Variants in DIS3L2 observed in about 807,000 individuals in gnomAD.
The protein encoded by DIS3L2 is DIS3-like exonuclease 2.
DIS3L2 carries 34 observed loss-of-function variants against 97.5 expected under a neutral mutation model. The observed-to-expected ratio is 0.35, with a 90% CI of 0.27 to 0.46. The LOEUF is 0.46. Among genes scored for constraint, DIS3L2 ranks in the 20% least tolerant of loss-of-function variants. The probability of loss-of-function intolerance (pLI) is 1.00; values close to 1 mark genes in which losing one functional copy is unlikely to be tolerated. For missense variants in DIS3L2, 1,038 were observed against 1,146.0 expected (o/e 0.91, Z 1.36); for synonymous variants, 435 against 445.2 (o/e 0.98, Z 0.29).
At chr2:231,972,323 G>A (rs1692943865) in intron 1 of DIS3L2, among the ~76,000 whole-genome samples, 1 of 152,074 alleles carries the variant, frequency 6.6e-6, no homozygotes, top group Non-Finnish European at 1.5e-5. Flanking sequence ...AATTGTATCT[G>A]CCATACTTTT....
intron 14 of DIS3L2, among the ~76,000 whole-genome samples, chr2:232,301,661 C>G (rs1490425115): frequency 6.6e-6 from 1 of 152,140 alleles, no homozygotes; most frequent in Non-Finnish European, 1.5e-5. Flanking sequence ...GACCAGACAT[C>G]CTTTAACAAT....
Position 232,268,816 on chromosome 2 carries a change from C to T in DIS3L2, c.1659+5376C>T, listed in dbSNP as rs997643532. On this transcript the variant is annotated intron_variant, in intron 13 of 20. Coordinates refer to ENST00000325385, the MANE Select transcript of DIS3L2 (RefSeq NM_152383.5). This position sits in a 1 kb window ranked among gnomAD's most constrained non-coding sequence, Gnocchi z 4.1. ...CTTTTAGCAGCTCATCATCACTTCA[C>T]AGGGAAGCCAGGCTGGGTAATGGAG... 4.6e-5 allele frequency among the ~76,000 whole-genome samples: 7 copies of T among 152,244 alleles called. No homozygotes were observed. Among genetic ancestry groups the T allele is most frequent in the Admixed American group, 2.0e-4 (3 of 15,288 alleles).
intron 14 of DIS3L2, among the ~76,000 whole-genome samples, chr2:232,322,467 A>T (rs1695461976): frequency 6.6e-6 from 1 of 152,216 alleles, no homozygotes; most frequent in Admixed American, 6.5e-5. Flanking sequence ...CCTTAGGACC[A>T]CAGTCCCCTC....
At chr2:232,202,360 T>C (rs1691915953) in intron 9 of DIS3L2, among the ~76,000 whole-genome samples, 1 of 152,088 alleles carries the variant, frequency 6.6e-6, no homozygotes, top group Non-Finnish European at 1.5e-5. Context: ...ATTGCGCCAC[T>C]GCACTCCAGC....
intron 9 of DIS3L2, among the ~76,000 whole-genome samples, chr2:232,175,863 G>C (rs1386765880): frequency 6.6e-6 from 1 of 151,866 alleles, no homozygotes; most frequent in Non-Finnish European, 1.5e-5. Context: ...CCATTTTTAA[G>C]TCCTCTGCAG....
intron 11 of DIS3L2, among the ~76,000 whole-genome samples, chr2:232,244,626 A>C (rs1225555335): frequency 6.6e-6 from 1 of 152,220 alleles, no homozygotes; most frequent in African/African-American, 2.4e-5. Context: ...GCACACATGT[A>C]AAGTGAGTGG....
At chr2:232,271,609 A>G (rs1415119075) in intron 13 of DIS3L2, among the ~76,000 whole-genome samples, 2 of 152,204 alleles carry the variant, frequency 1.3e-5, no homozygotes, top group Non-Finnish European at 2.9e-5. Context: ...CAATTTTATA[A>G]TAATATTAGC....
chr2:232,340,735 C>G, downstream of DIS3L2: 1 of 470,722 alleles, frequency 2.1e-6, no homozygotes, highest in South Asian at 1.5e-5. Flanking sequence ...AGACAAAGAA[C>G]CCAACCTCAG....
intron 10 of DIS3L2, among the ~76,000 whole-genome samples, chr2:232,226,163 G>C (rs1488215826): frequency 6.6e-6 from 1 of 152,222 alleles, no homozygotes; most frequent in African/African-American, 2.4e-5. Flanking sequence ...TGAGTGAACT[G>C]TGTGGTATGT....
chr2:232,031,761 C>T (rs961579931), intron 5 of DIS3L2, among the ~76,000 whole-genome samples: 8 of 152,064 alleles, frequency 5.3e-5, no homozygotes, highest in African/African-American at 1.7e-4. Flanking sequence ...GTCTGGTTTT[C>T]TGTTCCTGTG....
intron 1 of DIS3L2, among the ~76,000 whole-genome samples, chr2:231,975,428 C>T (rs905484606): frequency 2.6e-5 from 4 of 151,808 alleles, no homozygotes; most frequent in African/African-American, 9.7e-5. Context: ...ATGGGCCGGG[C>T]ACCATGGCTC....
At chr2:232,003,272 T>C (rs996462667) in intron 1 of DIS3L2, among the ~76,000 whole-genome samples, 1 of 152,220 alleles carries the variant, frequency 6.6e-6, no homozygotes, top group Non-Finnish European at 1.5e-5. Flanking sequence ...TTTGCACTTT[T>C]TTTGTGCTGA....
At chr2:232,010,900 A>G (rs908353853) in intron 1 of DIS3L2, among the ~76,000 whole-genome samples, 2 of 152,052 alleles carry the variant, frequency 1.3e-5, no homozygotes, top group African/African-American at 4.8e-5. Flanking sequence ...TTCTGTCCCA[A>G]ATAGGCTTCA....
intron 12 of DIS3L2, among the ~76,000 whole-genome samples, chr2:232,262,251 G>T (rs1296117883): frequency 6.6e-6 from 1 of 151,958 alleles, no homozygotes; most frequent in Non-Finnish European, 1.5e-5. Context: ...GCCCACATCC[G>T]AATGCCTGCC....
intron 13 of DIS3L2, among the ~76,000 whole-genome samples, chr2:232,272,014 G>A (rs574498818): frequency 6.6e-6 from 1 of 152,264 alleles, no homozygotes; most frequent in Admixed American, 6.5e-5. Flanking sequence ...CACTATTTCT[G>A]GCTTGTTCAC....
Position 232,333,977 on chromosome 2 carries a change from T to C in DIS3L2, c.2148T>C (p.Ala716=). 1 of 1,608,146 alleles carries C rather than the reference T, an allele frequency of 6.2e-7. No homozygotes were observed. The highest frequency in any genetic ancestry group is 8.5e-7 in the Non-Finnish European group (1 of 1,177,364). The part of the protein sequence containing the change: ...FADVLVHRLL[A]AALGYRERLD... The stretch of plus-strand genomic sequence containing the variant: ...ACGTCCTGGTGCACCGCCTCCTGGC[T>C]GCCGCGTTAGGTGAGGGGTGCAGTC... The change falls in exon 17 of 21, where the codon GCT becomes GCC. Residue 716 remains alanine, a synonymous_variant. Transcript: ENST00000325385.
At chr2:232,009,731 C>T (rs1694144868) in intron 1 of DIS3L2, among the ~76,000 whole-genome samples, 2 of 152,134 alleles carry the variant, frequency 1.3e-5, no homozygotes, top group African/African-American at 4.8e-5. Context: ...TTCATGTTTG[C>T]AGTCTTGTGC....
chr2:232,133,509 A>G (rs563453039), intron 7 of DIS3L2, among the ~76,000 whole-genome samples: 1 of 152,334 alleles, frequency 6.6e-6, no homozygotes, highest in Admixed American at 6.5e-5. Context: ...GGAAACCACC[A>G]ATCATATCAA....
rs373094214 is a variant in DIS3L2, at chr2:232,317,999, G to A, written c.1740-11814G>A. Among the ~76,000 whole-genome samples the A allele has an allele frequency of 1.2e-4, 18 of 152,196 alleles. No homozygotes were observed. In the East Asian group the frequency reaches 3.5e-3, roughly 29 times the overall value. On this transcript the variant is annotated intron_variant, in intron 14 of 20. Coordinates refer to ENST00000325385, the MANE Select transcript of DIS3L2 (RefSeq NM_152383.5). ...ACCCAGGTTGTGTGTGGTTGACAGT[G>A]CCCTACCTTTCCCCCCTGACTTTAG...
Sources: gnomAD v4.1 joint callset for allele counts (sites outside exome capture counted in the v4.1 genomes callset) on GRCh38, gnomAD v4.1.1 for gene constraint, Gnocchi (gnomAD v3.1) non-coding constraint, MANE v1.5 for transcripts, NCBI Gene and HGNC (gene_info 2026-07-23, HGNC 2026-07-21) for gene names.